Variants in ZNF675 observed in about 807,000 individuals in gnomAD.
The protein encoded by ZNF675 is TRAF6 inhibitory zinc finger.
ZNF675 carries 36 observed loss-of-function variants against 56.1 expected under a neutral mutation model. The ratio of observed to expected loss-of-function variants is 0.64; its 90% CI spans 0.49 to 0.85. ZNF675 has a LOEUF of 0.85. Ranked by LOEUF, ZNF675 falls within the 40% of genes least tolerant of loss-of-function variation. The probability of loss-of-function intolerance (pLI) is 0.00; values close to 1 mark genes in which losing one functional copy is unlikely to be tolerated. For synonymous variants in ZNF675, 200 were observed against 218.9 expected (o/e 0.91, Z 0.76); for missense variants, 663 against 654.2 (o/e 1.01, Z -0.15).
intron 1 of ZNF675, among the ~76,000 whole-genome samples, chr19:23,664,888 T>C (rs1462123359): frequency 2.0e-5 from 3 of 152,064 alleles, no homozygotes; most frequent in Non-Finnish European, 4.4e-5. Context: ...CAGGCGAATG[T>C]TGCAGTAACC....
chr19:23,677,060 G>A (rs1000892487), intron 1 of ZNF675, among the ~76,000 whole-genome samples: 1 of 138,926 alleles, frequency 7.2e-6, no homozygotes, highest in Non-Finnish European at 1.5e-5. Flanking sequence ...CTGGGCAACA[G>A]TGCAAGACTG....
At position 23,654,103 on chromosome 19, in the gene ZNF675, A is replaced by G; in HGVS notation, c.830T>C (p.Ile277Thr). The G allele has an allele frequency of 6.2e-7, 1 of 1,613,706 alleles. No individual in the cohort carries two copies. The highest frequency in any genetic ancestry group is 8.5e-7 in the Non-Finnish European group (1 of 1,179,952). Residue 277 changes from isoleucine to threonine, a missense_variant, in exon 4 of 4, where the codon ATT becomes ACT. Transcript: ENST00000359788. ...QSSHLTTHKI[I>T]HTGEKPYKCE... ...TTTGTAGGGTTTCTCTCCTGTATGA[A>G]TTATCTTATGTGTAGTAAGGTGTGA...
chr19:23,667,438 G>A (rs1032358075), intron 1 of ZNF675, among the ~76,000 whole-genome samples: 7 of 152,114 alleles, frequency 4.6e-5, no homozygotes, highest in Non-Finnish European at 8.8e-5. Context: ...CCTGCTGATT[G>A]GTAGAGCCGA....
rs1455070444 is a variant in ZNF675 at position 23,653,999 on chromosome 19, A to AG, written c.933dup (p.Tyr312LeufsTer4). Reference sequence around the variant, plus strand: ...GCCTTGCCACATTCTTCACATATGTAGGGTTGCTCTCCAGTATGAATTTTT... The same window carrying AG: ...GCCTTGCCACATTCTTCACATATGTAGGGGTTGCTCTCCAGTATGAATTTTT... On this transcript the variant is annotated frameshift_variant, in exon 4 of 4. Coordinates refer to ENST00000359788, the MANE Select transcript of ZNF675 (RefSeq NM_138330.3). LOFTEE classifies it high-confidence loss of function. 1 of 1,613,914 alleles carries AG rather than the reference A, an allele frequency of 6.2e-7. No individual in the cohort carries two copies. Among genetic ancestry groups the AG allele is most frequent in the Non-Finnish European group, 8.5e-7 (1 of 1,179,980 alleles).
At chr19:23,656,154 A>ATT (rs1345614703) in intron 3 of ZNF675, 2 of 152,242 alleles carry the variant, frequency 1.3e-5, no homozygotes, top group African/African-American at 4.8e-5. Flanking sequence ...AGTGAATAAA[A>ATT]CAAAAAATTA....
intron 1 of ZNF675, among the ~76,000 whole-genome samples, chr19:23,674,756 G>A (rs1968274524): frequency 6.6e-6 from 1 of 151,440 alleles, no homozygotes; most frequent in Admixed American, 6.6e-5. Flanking sequence ...ATCACTTGAG[G>A]TCAGGAGTTC....
Position 23,667,583 on chromosome 19 carries a change from G to A in ZNF675, c.4-4425C>T, listed in dbSNP as rs143733606. Reference sequence around the variant, plus strand: ...GGTTCTCCAAGGCCCCACCAGAGTAGCTAGATAGAGTGTCGATTGGTGCAC... The same window carrying A: ...GGTTCTCCAAGGCCCCACCAGAGTAACTAGATAGAGTGTCGATTGGTGCAC... On this transcript the variant is annotated intron_variant, in intron 1 of 3. Coordinates refer to ENST00000359788, the MANE Select transcript of ZNF675 (RefSeq NM_138330.3). 6.1e-3 allele frequency among the ~76,000 whole-genome samples: 926 copies of A among 152,196 alleles called. 8 individuals carry two copies. Among genetic ancestry groups the A allele is most frequent in the African/African-American group, 0.021 (891 of 41,526 alleles).
intron 1 of ZNF675, among the ~76,000 whole-genome samples, chr19:23,677,002 G>A (rs146129616): frequency 0.095 from 14,214 of 150,128 alleles, 863 homozygotes; most frequent in East Asian, 0.22. Flanking sequence ...GCGTTAACCC[G>A]GGAGGTGGAG....
chr19:23,660,096 T>C (rs996127286), intron 3 of ZNF675, among the ~76,000 whole-genome samples: 3 of 151,640 alleles, frequency 2.0e-5, no homozygotes, highest in Admixed American at 1.3e-4. Context: ...AAATTCAGTC[T>C]GTCCAAAATG....
At chr19:23,679,476 A>T (rs948585050) in intron 1 of ZNF675, among the ~76,000 whole-genome samples, 5 of 151,704 alleles carry the variant, frequency 3.3e-5, no homozygotes, top group African/African-American at 1.2e-4. Flanking sequence ...CACAGGAACC[A>T]GCAAATTTTA....
At chr19:23,663,237 C>A (rs1422332178) in intron 1 of ZNF675, 79 bp from the exon 2 acceptor site, 1 of 1,509,358 alleles carries the variant, frequency 6.6e-7, no homozygotes, top group African/African-American at 1.4e-5. Context: ...AAATGAGAGA[C>A]TAAAGAGAAC....
chr19:23,669,827 T>C (rs1001464995), intron 1 of ZNF675, among the ~76,000 whole-genome samples: 1 of 150,012 alleles, frequency 6.7e-6, no homozygotes, highest in African/African-American at 2.5e-5. Flanking sequence ...CACTCCAGCC[T>C]GGACAACAGA....
At chr19:23,677,914 G>A (rs1471104431) in intron 1 of ZNF675, among the ~76,000 whole-genome samples, 1 of 151,612 alleles carries the variant, frequency 6.6e-6, no homozygotes, top group Non-Finnish European at 1.5e-5. Flanking sequence ...GAGGTCGGGA[G>A]TTTGAGACTA....
intron 1 of ZNF675, among the ~76,000 whole-genome samples, chr19:23,666,065 T>C (rs1224116228): frequency 1.3e-5 from 2 of 152,212 alleles, no homozygotes; most frequent in Non-Finnish European, 2.9e-5. Flanking sequence ...GGCAAGAGAA[T>C]AGGGTCTGGA....
chr19:23,675,585 C>G (rs1968284975), intron 1 of ZNF675, among the ~76,000 whole-genome samples: 1 of 151,308 alleles, frequency 6.6e-6, no homozygotes, highest in South Asian at 2.1e-4. Context: ...TGCAAATTAA[C>G]CTCAATATGA....
chr19:23,656,069 G>A (rs1410972034), intron 3 of ZNF675: 1 of 122,188 alleles, frequency 8.2e-6, no homozygotes, highest in African/African-American at 3.0e-5. Flanking sequence ...CAGCCTGAGT[G>A]ACACAGTAAA....
chr19:23,670,183 T>TA (rs1201158623), intron 1 of ZNF675, among the ~76,000 whole-genome samples: 2 of 152,154 alleles, frequency 1.3e-5, no homozygotes, highest in Non-Finnish European at 2.9e-5. Context: ...TGCTTGGCTA[T>TA]ATCTTCCACC....
intron 1 of ZNF675, among the ~76,000 whole-genome samples, chr19:23,673,284 G>A (rs533585486): frequency 2.6e-5 from 4 of 152,128 alleles, no homozygotes; most frequent in Admixed American, 1.3e-4. Context: ...GTGGAAAGTG[G>A]AGATTCTCAT....
chr19:23,685,074 C>T (rs1267843995), intron 1 of ZNF675, among the ~76,000 whole-genome samples: 2 of 152,008 alleles, frequency 1.3e-5, no homozygotes, highest in Non-Finnish European at 2.9e-5. Flanking sequence ...GGTGCGATCT[C>T]GGCTCTCAGC....
Sources: allele counts gnomAD v4.1 joint callset (sites outside exome capture counted in the v4.1 genomes callset), GRCh38; gene constraint gnomAD v4.1.1; transcripts MANE v1.5; gene names NCBI Gene and HGNC (gene_info 2026-07-23, HGNC 2026-07-21).